The following PSD3 variants were observed in gnomAD, a reference collection of about 807,000 sequenced individuals.
PSD3 encodes the protein PH and SEC7 domain-containing protein 3.
In PSD3, 49 loss-of-function variants were observed where a neutral mutation model predicts 105.5. That is an observed-to-expected ratio of 0.46 (90% confidence interval 0.37 to 0.59). PSD3 has a LOEUF of 0.59. PSD3 is among the 20% of genes least tolerant of loss of function. The pLI, the probability that PSD3 is intolerant of heterozygous loss-of-function variation, is 0.00. For missense variants in PSD3, 1,561 were observed against 1,263.8 expected (o/e 1.24, Z -3.57); for synonymous variants, 557 against 457.8 (o/e 1.22, Z -2.77).
intron 11 of PSD3, among the ~76,000 whole-genome samples, chr8:18,606,848 C>A (rs1366548864): frequency 6.6e-6 from 1 of 152,162 alleles, no homozygotes; most frequent in African/African-American, 2.4e-5. Context: ...TAACGTTATA[C>A]CTATACGTTC....
At chr8:18,779,945 T>C (rs889857351) in intron 8 of PSD3, among the ~76,000 whole-genome samples, 1 of 152,244 alleles carries the variant, frequency 6.6e-6, no homozygotes, top group Non-Finnish European at 1.5e-5. Flanking sequence ...GCATTTGATC[T>C]AAAACGAAGT....
intron 9 of PSD3, among the ~76,000 whole-genome samples, chr8:18,718,271 G>C (rs1250277574): frequency 6.6e-6 from 1 of 152,116 alleles, no homozygotes; most frequent in East Asian, 1.9e-4. Context: ...CATTCATCTA[G>C]AATCACAGCA....
intron 12 of PSD3, among the ~76,000 whole-genome samples, chr8:18,583,580 T>C (rs970584561): frequency 1.1e-4 from 16 of 152,196 alleles, no homozygotes; most frequent in African/African-American, 3.6e-4. Flanking sequence ...AAACACGCTG[T>C]ATCACATCTA....
chr8:19,047,238 C>T (rs1461162917), intron 1 of PSD3, among the ~76,000 whole-genome samples: 2 of 152,154 alleles, frequency 1.3e-5, no homozygotes, highest in Non-Finnish European at 1.5e-5. Flanking sequence ...CCTGGAGGTC[C>T]CTCTCTAACT....
intron 8 of PSD3, among the ~76,000 whole-genome samples, chr8:18,767,356 T>C (rs1807087444): frequency 6.6e-6 from 1 of 152,214 alleles, no homozygotes; most frequent in South Asian, 2.1e-4. Context: ...GATACATCTG[T>C]TACGAGTGCA....
intron 11 of PSD3, among the ~76,000 whole-genome samples, chr8:18,629,764 G>C (rs1361440892): frequency 6.6e-6 from 1 of 151,902 alleles, no homozygotes; most frequent in Admixed American, 6.6e-5. Flanking sequence ...TAATGGAAAT[G>C]TTATTTATTT....
At chr8:18,753,273 G>A (rs1346944029) in intron 9 of PSD3, among the ~76,000 whole-genome samples, 2 of 151,568 alleles carry the variant, frequency 1.3e-5, no homozygotes, top group Admixed American at 6.6e-5. Context: ...AGAATCACTC[G>A]AACCCAGGAG....
At chr8:19,070,240 G>A (rs78738213) in intron 1 of PSD3, among the ~76,000 whole-genome samples, 7,479 of 151,940 alleles carry the variant, frequency 0.049, 259 homozygotes, top group African/African-American at 0.097. Flanking sequence ...AATGTGATAC[G>A]CCTAGCAAGG....
rs150441051 is a variant in PSD3 at position 18,936,531 on chromosome 8, A to G, written c.22-389T>C. Among the ~76,000 whole-genome samples the G allele has an allele frequency of 4.6e-3, 705 of 152,292 alleles. 7 individuals carry two copies. The highest frequency in any genetic ancestry group is 0.016 in the African/African-American group (663 of 41,558). ...GTAATCTCAGCACTTTGGGAGGCCA[A>G]AGCAGGTGGATCACGATGTCAGGAG... On this transcript the variant is annotated intron_variant, in intron 1 of 15. Coordinates refer to ENST00000327040, the MANE Select transcript of PSD3 (RefSeq NM_015310.4).
At chr8:18,796,581 C>T (rs1343194284) in intron 8 of PSD3, among the ~76,000 whole-genome samples, 1 of 152,120 alleles carries the variant, frequency 6.6e-6, no homozygotes, top group African/African-American at 2.4e-5. Context: ...AACCAAGGCC[C>T]ATATTAATGC....
intron 1 of PSD3, among the ~76,000 whole-genome samples, chr8:18,970,599 C>G (rs1374535335): frequency 6.6e-6 from 1 of 152,034 alleles, no homozygotes; most frequent in African/African-American, 2.4e-5. Context: ...TTAACAGCAC[C>G]TGTTTTGAAA....
intron 2 of PSD3, among the ~76,000 whole-genome samples, chr8:18,913,654 C>T (rs1476653583): frequency 6.6e-6 from 1 of 152,150 alleles, no homozygotes; most frequent in Non-Finnish European, 1.5e-5. Flanking sequence ...AGTCTCCAGG[C>T]AGGACCAGTG....
chr8:18,881,454 T>C (rs943421852), intron 2 of PSD3, among the ~76,000 whole-genome samples: 1 of 152,184 alleles, frequency 6.6e-6, no homozygotes, highest in Non-Finnish European at 1.5e-5. Flanking sequence ...CTGGTTTTCT[T>C]CCACTCTGGC....
intron 10 of PSD3, among the ~76,000 whole-genome samples, chr8:18,649,436 T>C (rs183281646): frequency 5.3e-4 from 81 of 152,314 alleles, no homozygotes; most frequent in African/African-American, 1.5e-3. Flanking sequence ...TTCTTCCTTT[T>C]GGAATAGGAG....
intron 9 of PSD3, among the ~76,000 whole-genome samples, chr8:18,695,404 A>G (rs1360744324): frequency 6.6e-6 from 1 of 152,242 alleles, no homozygotes; most frequent in African/African-American, 2.4e-5. Flanking sequence ...CAAACTAGGT[A>G]GTATATCAAA....
intron 4 of PSD3, among the ~76,000 whole-genome samples, chr8:18,852,516 C>T (rs1445438016): frequency 6.6e-6 from 1 of 152,204 alleles, no homozygotes; most frequent in African/African-American, 2.4e-5. Flanking sequence ...ATGCTGCTCC[C>T]CATATTTATG....
At chr8:18,646,273 A>G (rs1332152314) in intron 10 of PSD3, among the ~76,000 whole-genome samples, 2 of 152,152 alleles carry the variant, frequency 1.3e-5, no homozygotes, top group Non-Finnish European at 2.9e-5. Flanking sequence ...CGAGCAAGAA[A>G]GTTTTCCTTC....
intron 12 of PSD3, among the ~76,000 whole-genome samples, chr8:18,584,421 A>G (rs927479042): frequency 2.6e-5 from 4 of 152,214 alleles, no homozygotes; most frequent in Admixed American, 2.0e-4. Context: ...TTACTTAAGA[A>G]GACACTAATG....
At chr8:19,047,805 C>T (rs1255515647) in intron 1 of PSD3, among the ~76,000 whole-genome samples, 1 of 152,118 alleles carries the variant, frequency 6.6e-6, no homozygotes, top group Non-Finnish European at 1.5e-5. Context: ...GTCTGTCCTC[C>T]AGGCAGAAGC....
Sources: allele counts gnomAD v4.1 joint callset (sites outside exome capture counted in the v4.1 genomes callset), GRCh38; gene constraint gnomAD v4.1.1; transcripts MANE v1.5; gene names NCBI Gene and HGNC (gene_info 2026-07-23, HGNC 2026-07-21).